Variants in CCSER1 observed in about 807,000 individuals in gnomAD.
CCSER1 encodes serine-rich coiled-coil domain-containing protein 1.
In CCSER1, 41 loss-of-function variants were observed where a neutral mutation model predicts 82.0. The observed-to-expected ratio is 0.50, with a 90% CI of 0.39 to 0.65. CCSER1 has a LOEUF of 0.65. Ranked by LOEUF, CCSER1 falls within the 30% of genes least tolerant of loss-of-function variation. The pLI, the probability that CCSER1 is intolerant of heterozygous loss-of-function variation, is 0.00. For missense variants in CCSER1, 1,119 were observed against 1,064.2 expected, an observed-to-expected ratio of 1.05 and a Z score of -0.72; for synonymous variants, 414 against 383.9, an observed-to-expected ratio of 1.08 and a Z score of -0.92.
At chr4:91,105,492 T>A (rs1477246134) in intron 10 of CCSER1, among the ~76,000 whole-genome samples, 1 of 151,332 alleles carries the variant, frequency 6.6e-6, no homozygotes, top group East Asian at 1.9e-4. Flanking sequence ...GATCACAAGG[T>A]CAGGAGTTTG....
At chr4:90,436,387 C>T (rs1194850232) in intron 4 of CCSER1, among the ~76,000 whole-genome samples, 2 of 152,078 alleles carry the variant, frequency 1.3e-5, no homozygotes, top group Non-Finnish European at 2.9e-5. Context: ...CTAAGTTCAA[C>T]TCAAAATAGA....
intron 10 of CCSER1, among the ~76,000 whole-genome samples, chr4:91,474,719 T>G (rs1056684854): frequency 6.8e-5 from 10 of 147,840 alleles, no homozygotes; most frequent in Non-Finnish European, 1.3e-4. Flanking sequence ...GTGGCTAAAT[T>G]TAGGCACACA....
chr4:91,489,831 A>G (rs1371733463), intron 10 of CCSER1, among the ~76,000 whole-genome samples: 1 of 147,466 alleles, frequency 6.8e-6, no homozygotes, highest in Non-Finnish European at 1.5e-5. Context: ...TTCTTGGATG[A>G]TGATACTCTC....
chr4:90,602,973 C>T (rs1784210246), intron 5 of CCSER1, among the ~76,000 whole-genome samples: 4 of 152,126 alleles, frequency 2.6e-5, no homozygotes, highest in Admixed American at 2.6e-4. Context: ...GAGACTTTAG[C>T]CTTAGTACCA....
At chr4:90,822,727 CAAAAAAAA>C (rs58985334) in intron 8 of CCSER1, among the ~76,000 whole-genome samples, 2 of 76,842 alleles carry the variant, frequency 2.6e-5, no homozygotes, top group Non-Finnish European at 5.1e-5. Flanking sequence ...GACTCCATCT[CAAAAAAAA>C]AAAAAAAAAA....
intron 5 of CCSER1, among the ~76,000 whole-genome samples, chr4:90,613,809 T>TA (rs1287411882): frequency 1.3e-5 from 2 of 152,022 alleles, no homozygotes; most frequent in Non-Finnish European, 2.9e-5. Flanking sequence ...CACATGGAAA[T>TA]AAAAAAATAA....
chr4:90,340,379 C>A (rs1410169088), intron 3 of CCSER1, among the ~76,000 whole-genome samples: 1 of 152,068 alleles, frequency 6.6e-6, no homozygotes, highest in Non-Finnish European at 1.5e-5. Flanking sequence ...TAGTAAATAT[C>A]CTGTGTAATG....
chr4:91,245,736 G>A (rs914445205), intron 10 of CCSER1, among the ~76,000 whole-genome samples: 6 of 152,116 alleles, frequency 3.9e-5, no homozygotes, highest in Admixed American at 6.5e-5. Flanking sequence ...CGCTCTTGTT[G>A]CCCAGGCTGG....
intron 10 of CCSER1, among the ~76,000 whole-genome samples, chr4:91,334,012 TATTTTA>T (rs1747139871): frequency 6.6e-6 from 1 of 152,116 alleles, no homozygotes; most frequent in Non-Finnish European, 1.5e-5. Flanking sequence ...ATCATCTATG[TATTTTA>T]CCAAAAAGCA....
chr4:91,005,829 G>A (rs1234595262), intron 9 of CCSER1, among the ~76,000 whole-genome samples: 1 of 152,096 alleles, frequency 6.6e-6, no homozygotes, highest in African/African-American at 2.4e-5. Context: ...TGAAATGATA[G>A]TTCTTTTCCA....
intron 5 of CCSER1, among the ~76,000 whole-genome samples, chr4:90,507,390 T>A (rs1158837739): frequency 6.6e-6 from 1 of 151,986 alleles, no homozygotes; most frequent in Non-Finnish European, 1.5e-5. Flanking sequence ...CGTCTAAACA[T>A]TATTTGAAAA....
chr4:91,177,951 G>T (rs1400909789), intron 10 of CCSER1, among the ~76,000 whole-genome samples: 1 of 152,112 alleles, frequency 6.6e-6, no homozygotes, highest in Non-Finnish European at 1.5e-5. Flanking sequence ...GGCATTTAGT[G>T]CTATAAATTT....
chr4:90,535,016 G>C (rs1775135031), intron 5 of CCSER1, among the ~76,000 whole-genome samples: 1 of 151,962 alleles, frequency 6.6e-6, no homozygotes, highest in South Asian at 2.1e-4. Context: ...GAAATATTGA[G>C]GAACATTGTT....
chr4:90,615,024 G>A (rs1478317650), intron 5 of CCSER1, among the ~76,000 whole-genome samples: 3 of 152,078 alleles, frequency 2.0e-5, no homozygotes, highest in Non-Finnish European at 4.4e-5. Context: ...TCTGAAAATT[G>A]TAGGGCCCTT....
chr4:91,238,619 CTTA>C (rs751492338), intron 10 of CCSER1, among the ~76,000 whole-genome samples: 1 of 151,858 alleles, frequency 6.6e-6, no homozygotes, highest in Admixed American at 6.6e-5. Context: ...TGTTGTTACT[CTTA>C]TTATTATTAT....
chr4:91,600,091 A>T lies in CCSER1; in HGVS notation c.*1034A>T, dbSNP rs1764753268. The T allele has an allele frequency of 6.6e-6, 1 of 152,182 alleles. No individual in the cohort carries two copies. The highest frequency in any genetic ancestry group is 6.6e-5 in the Admixed American group (1 of 15,266). The allele number at this position is 152,182 out of a possible 1,614,324, so 9.4% of individuals were successfully genotyped here. A position where few individuals can be genotyped will look rare whatever the true frequency, so the allele number is the denominator to read the frequency against. ...CATACAATATTCTGACTATGCAGAAATCTAGATTTGGAACAAAAGTAAAGT... is the reference window on the plus strand; with the variant it reads ...CATACAATATTCTGACTATGCAGAATTCTAGATTTGGAACAAAAGTAAAGT... On this transcript the variant is annotated 3_prime_UTR_variant, in exon 11 of 11. Coordinates refer to ENST00000509176, the MANE Select transcript of CCSER1 (RefSeq NM_001145065.2).
intron 10 of CCSER1, among the ~76,000 whole-genome samples, chr4:91,146,928 G>A (rs1729600153): frequency 6.6e-6 from 1 of 152,166 alleles, no homozygotes; most frequent in Non-Finnish European, 1.5e-5. Context: ...GGCAGGAGAG[G>A]ACTCCTTCAC....
intron 10 of CCSER1, among the ~76,000 whole-genome samples, chr4:91,154,044 C>G (rs1443868338): frequency 2.6e-5 from 4 of 151,990 alleles, no homozygotes; most frequent in Admixed American, 2.6e-4. Flanking sequence ...AGCTGTCAGA[C>G]TGGGACATTT....
At chr4:90,987,109 A>G (rs1311672665) in intron 9 of CCSER1, among the ~76,000 whole-genome samples, 2 of 151,802 alleles carry the variant, frequency 1.3e-5, no homozygotes, top group South Asian at 2.1e-4. Context: ...TTGTGATTTT[A>G]TCTAGAAAAA....
Sources: allele counts gnomAD v4.1 joint callset (sites outside exome capture counted in the v4.1 genomes callset), GRCh38; gene constraint gnomAD v4.1.1; transcripts MANE v1.5; gene names NCBI Gene and HGNC (gene_info 2026-07-23, HGNC 2026-07-21).